Variants in RGS9 observed in about 807,000 individuals in gnomAD.
RGS9 encodes the protein regulator of G-protein signalling 9.
Under a neutral mutation model 102.0 loss-of-function variants are expected in RGS9, and 78 were observed. The ratio of observed to expected loss-of-function variants is 0.76; its 90% CI spans 0.64 to 0.92. The LOEUF is 0.92. Among genes scored for constraint, RGS9 ranks in the 40% least tolerant of loss-of-function variants. The probability of loss-of-function intolerance (pLI) is 0.00; values close to 1 mark genes in which losing one functional copy is unlikely to be tolerated. For synonymous variants in RGS9, 353 were observed against 318.6 expected (o/e 1.11, Z -1.15); for missense variants, 833 against 866.1 (o/e 0.96, Z 0.48).
intron 7 of RGS9, among the ~76,000 whole-genome samples, chr17:65,165,098 C>T (rs1243615583): frequency 2.0e-5 from 3 of 152,160 alleles, no homozygotes; most frequent in African/African-American, 4.8e-5. Flanking sequence ...GTGCCCCTCT[C>T]CCTCAACCCC....
chr17:65,194,336 A>G (rs1472191493), intron 12 of RGS9, among the ~76,000 whole-genome samples: 2 of 152,148 alleles, frequency 1.3e-5, no homozygotes, highest in Non-Finnish European at 2.9e-5. Flanking sequence ...CCTTTTAGCT[A>G]TTATGAAGAA....
chr17:65,227,258 T>C lies in RGS9; in HGVS notation c.1893-17T>C, dbSNP rs1905730971. 1 of 1,614,094 alleles carries C rather than the reference T, an allele frequency of 6.2e-7. No homozygotes were observed. Among genetic ancestry groups the C allele is most frequent in the Non-Finnish European group, 8.5e-7 (1 of 1,179,992 alleles). On this transcript the variant is annotated splice_polypyrimidine_tract_variant and intron_variant, in intron 18 of 18. Coordinates refer to ENST00000262406, the MANE Select transcript of RGS9 (RefSeq NM_003835.4). ...GCCCCTGCCCCTACATTACTGGCTT[T>C]CCTCTTGCACCTGAAGCTTTTTCCA...
At chr17:65,219,013 G>C (rs1514500) in intron 17 of RGS9, among the ~76,000 whole-genome samples, 23,531 of 152,222 alleles carry the variant, frequency 0.15, 2,731 homozygotes, top group African/African-American at 0.33. Context: ...GGTGAAGGCA[G>C]TGGAGACTTG....
intron 9 of RGS9, among the ~76,000 whole-genome samples, chr17:65,184,835 T>G (rs1912046392): frequency 6.9e-6 from 1 of 145,326 alleles, no homozygotes. Flanking sequence ...CCTTCCTTCC[T>G]TCCTTCTTTC....
At chr17:65,157,931 G>C (rs115306648) in intron 2 of RGS9, among the ~76,000 whole-genome samples, 4,084 of 152,242 alleles carry the variant, frequency 0.027, 183 homozygotes, top group African/African-American at 0.094. Context: ...GTGTGTGTGT[G>C]TGTGTTTAGA....
Position 65,225,407 on chromosome 17 carries a change from G to C in RGS9, c.1813G>C (p.Ala605Pro). ...VFARLSPKCP[A>P]VSHGRVQPLG... ...TGCCAGGCTCTCACCCAAGTGCCCT[G>C]CTGTGTCCCACGGGAGGGTGCAGCC... Residue 605 changes from alanine to proline, a missense_variant, in exon 18 of 19, where the codon GCT becomes CCT. Ala to Pro is a conservative substitution (Grantham distance 27). Transcript: ENST00000262406. 1.2e-6 allele frequency: 2 copies of C among 1,611,230 alleles called. No homozygotes were observed. Among genetic ancestry groups the C allele is most frequent in the Non-Finnish European group, 1.7e-6 (2 of 1,180,026 alleles).
At position 65,169,939 on chromosome 17, in the gene RGS9, C is replaced by T. The variant is rs1481745410; in HGVS notation, c.582+1658C>T. 3.3e-5 allele frequency among the ~76,000 whole-genome samples: 5 copies of T among 152,240 alleles called. No individual in the cohort carries two copies. The East Asian group carries it at 9.6e-4, about 29-fold the overall frequency. On this transcript the variant is annotated intron_variant, in intron 8 of 18. Transcript: ENST00000262406. The stretch of plus-strand genomic sequence containing the variant: ...TTTCCCCCACTTTCTCCACCACCTC[C>T]ACCACCCTTATTGTCTTCATCACTG...
At chr17:65,210,652 C>T (rs755031268) in intron 17 of RGS9, 47 bp downstream of exon 17, 11 of 1,609,928 alleles carry the variant, frequency 6.8e-6, no homozygotes, top group Non-Finnish European at 9.3e-6. Flanking sequence ...AAAGAGCTGC[C>T]TCCTAAATAA....
At chr17:65,219,663 G>C (rs1226473933) in intron 17 of RGS9, among the ~76,000 whole-genome samples, 1 of 152,146 alleles carries the variant, frequency 6.6e-6, no homozygotes, top group African/African-American at 2.4e-5. Flanking sequence ...TAGAGAAAAG[G>C]CTGCTTTCAT....
chr17:65,225,599 C>T (rs937181795), intron 18 of RGS9, 113 bp downstream of exon 18: 58 of 1,470,322 alleles, frequency 3.9e-5, no homozygotes, highest in Admixed American at 7.1e-5. Context: ...GAACAGATAC[C>T]CCAGGCAGCC....
chr17:65,159,957 G>A (rs1348376661), intron 3 of RGS9, among the ~76,000 whole-genome samples: 3 of 152,206 alleles, frequency 2.0e-5, no homozygotes, highest in African/African-American at 4.8e-5. Flanking sequence ...AGCAGACCAC[G>A]TGTGGTTTCT....
chr17:65,167,036 A>G (rs1911212430), intron 7 of RGS9, among the ~76,000 whole-genome samples: 1 of 152,114 alleles, frequency 6.6e-6, no homozygotes, highest in Non-Finnish European at 1.5e-5. Context: ...AAGCATTAAC[A>G]AGTGTGAGCG....
Position 65,173,747 on chromosome 17 carries a change from G to A in RGS9, c.583-3985G>A, listed in dbSNP as rs770990170. On this transcript the variant is annotated intron_variant, in intron 8 of 18. Transcript: ENST00000262406. This position sits in a 1 kb window ranked among gnomAD's most constrained non-coding sequence, Gnocchi z 4.8. ...CAGTCAGTTCTGGTTAACTTCATCT[G>A]AACACCCTGTTATGTGCCAGAAACT... is the stretch of plus-strand genomic sequence containing the variant. Among the ~76,000 whole-genome samples, 2 of 152,230 alleles carry A rather than the reference G, an allele frequency of 1.3e-5. No individual in the cohort carries two copies. The highest frequency in any genetic ancestry group is 4.8e-5 in the African/African-American group (2 of 41,468).
intron 18 of RGS9, among the ~76,000 whole-genome samples, chr17:65,226,857 C>T (rs147694577): frequency 4.0e-4 from 61 of 152,186 alleles, no homozygotes; most frequent in Middle Eastern, 6.8e-3. Context: ...TCAGGCGATC[C>T]GCCTGTCTCA....
intron 6 of RGS9, 82 bp downstream of exon 6, chr17:65,160,991 C>T (rs1408397723): frequency 8.7e-7 from 1 of 1,147,178 alleles, no homozygotes; most frequent in South Asian, 1.2e-5. Flanking sequence ...TCCCACATCA[C>T]TACATTCATA....
intron 1 of RGS9, among the ~76,000 whole-genome samples, chr17:65,153,115 C>T (rs1392553102): frequency 3.3e-5 from 5 of 152,180 alleles, no homozygotes; most frequent in Admixed American, 6.5e-5. Context: ...CCATGGTGTT[C>T]TATCACTTTC....
chr17:65,168,049 T>C (rs1308992958), intron 7 of RGS9, 151 bp from the exon 8 acceptor site: 3 of 658,628 alleles, frequency 4.6e-6, no homozygotes, highest in Non-Finnish European at 8.4e-6. Context: ...TTAAGTGAGA[T>C]GTCAGTGCTT....
At chr17:65,149,582 C>G (rs1161171838) in intron 1 of RGS9, among the ~76,000 whole-genome samples, 1 of 152,138 alleles carries the variant, frequency 6.6e-6, no homozygotes, top group Non-Finnish European at 1.5e-5. Context: ...CTAAACACAA[C>G]CCTGCATGCA....
intron 17 of RGS9, among the ~76,000 whole-genome samples, chr17:65,212,062 CT>C (rs1208317498): frequency 1.3e-5 from 2 of 152,230 alleles, no homozygotes; most frequent in Non-Finnish European, 2.9e-5. Flanking sequence ...TCCCAGCAGT[CT>C]TGCCTAGGCA....
Sources: allele counts gnomAD v4.1 joint callset (sites outside exome capture counted in the v4.1 genomes callset), GRCh38; gene constraint gnomAD v4.1.1; non-coding constraint Gnocchi (gnomAD v3.1); transcripts MANE v1.5; gene names NCBI Gene and HGNC (gene_info 2026-07-23, HGNC 2026-07-21).